Variants in GRID2 observed in about 807,000 individuals in gnomAD.
GRID2 encodes glutamate ionotropic receptor delta type subunit 2, also known as glutamate receptor ionotropic, delta-2.
GRID2 carries 33 observed loss-of-function variants against 114.8 expected under a neutral mutation model. That is an observed-to-expected ratio of 0.29 (90% CI 0.22 to 0.38). The LOEUF is 0.38. Ranked by LOEUF, GRID2 falls within the 10% of genes least tolerant of loss-of-function variation. The probability of loss-of-function intolerance (pLI) is 1.00; values close to 1 mark genes in which losing one functional copy is unlikely to be tolerated. For missense variants in GRID2, 1,184 were observed against 1,257.7 expected (o/e 0.94, Z 0.89); for synonymous variants, 505 against 449.9 (o/e 1.12, Z -1.55).
intron 2 of GRID2, among the ~76,000 whole-genome samples, chr4:92,677,856 A>G (rs1733454984): frequency 6.6e-6 from 1 of 152,022 alleles, no homozygotes; most frequent in Admixed American, 6.6e-5. Context: ...GTGAAAGGCT[A>G]TTTTCCCTAC....
intron 4 of GRID2, among the ~76,000 whole-genome samples, chr4:93,200,119 C>T (rs1027858456): frequency 2.6e-5 from 4 of 152,098 alleles, no homozygotes; most frequent in Non-Finnish European, 5.9e-5. Flanking sequence ...TCCACAAAGC[C>T]CTTGCTAAAA....
At chr4:92,725,287 G>A (rs1234976879) in intron 2 of GRID2, among the ~76,000 whole-genome samples, 2 of 152,084 alleles carry the variant, frequency 1.3e-5, no homozygotes, top group African/African-American at 4.8e-5. Flanking sequence ...CTTGGTGACA[G>A]AGCAACACTG....
At chr4:92,832,285 AAAAAAAT>A (rs1333366834) in intron 2 of GRID2, among the ~76,000 whole-genome samples, 1 of 151,796 alleles carries the variant, frequency 6.6e-6, no homozygotes, top group Admixed American at 6.6e-5. Flanking sequence ...ACTAAAAATT[AAAAAAAT>A]AAAAAATAAA....
intron 13 of GRID2, among the ~76,000 whole-genome samples, chr4:93,533,572 T>C (rs1731724396): frequency 7.3e-6 from 1 of 136,898 alleles, no homozygotes; most frequent in Non-Finnish European, 1.5e-5. Context: ...GTATTTTTAG[T>C]AGAGATGGGG....
At position 93,422,732 on chromosome 4, in the gene GRID2, T is replaced by C. The variant is rs1487055255; in HGVS notation, c.1348-39T>C. The C allele has an allele frequency of 4.6e-6, 6 of 1,291,022 alleles. No homozygotes were observed. In the East Asian group the frequency reaches 1.4e-4, roughly 30 times the overall value. The allele number at this position is 1,291,022 out of a possible 1,614,324, so 80.0% of individuals were successfully genotyped here. ...ATTAATCTTTGCTTTTAGGGAGCAC[T>C]ATAGATTGACATCAGAAATTTCTCT... On this transcript the variant is annotated intron_variant, in intron 9 of 15. Transcript: ENST00000282020.
At chr4:93,052,247 G>T (rs1362021990) in intron 2 of GRID2, among the ~76,000 whole-genome samples, 1 of 151,924 alleles carries the variant, frequency 6.6e-6, no homozygotes, top group African/African-American at 2.4e-5. Flanking sequence ...TCTCATCTAA[G>T]TACACTTCTA....
At chr4:92,376,428 G>A (rs930119355) in intron 1 of GRID2, among the ~76,000 whole-genome samples, 1 of 152,138 alleles carries the variant, frequency 6.6e-6, no homozygotes, top group African/African-American at 2.4e-5. Flanking sequence ...GCTTTGCAGG[G>A]TATAGCCTCC....
At chr4:92,985,464 C>G (rs1754459848) in intron 2 of GRID2, among the ~76,000 whole-genome samples, 2 of 152,070 alleles carry the variant, frequency 1.3e-5, no homozygotes, top group Non-Finnish European at 2.9e-5. Context: ...GTCTCGATCT[C>G]CTGACGTCGT....
At chr4:93,549,534 A>T (rs368586382) in intron 13 of GRID2, among the ~76,000 whole-genome samples, 16 of 152,334 alleles carry the variant, frequency 1.1e-4, no homozygotes, top group African/African-American at 3.8e-4. Flanking sequence ...AAAAGTAATA[A>T]GGGAAATGTT....
chr4:93,047,035 A>G (rs1401561820), intron 2 of GRID2, among the ~76,000 whole-genome samples: 2 of 152,154 alleles, frequency 1.3e-5, no homozygotes, highest in Non-Finnish European at 2.9e-5. Context: ...GATGTGATGA[A>G]AATGGCACAT....
intron 2 of GRID2, among the ~76,000 whole-genome samples, chr4:92,850,161 T>C (rs1743664118): frequency 6.6e-6 from 1 of 151,360 alleles, no homozygotes; most frequent in Non-Finnish European, 1.5e-5. Flanking sequence ...AATCATTGTT[T>C]TTCTAGTAAT....
At chr4:93,366,538 G>C (rs1272491923) in intron 8 of GRID2, among the ~76,000 whole-genome samples, 1 of 152,046 alleles carries the variant, frequency 6.6e-6, no homozygotes, top group African/African-American at 2.4e-5. Flanking sequence ...TTTCACCTGG[G>C]TCCTGTGGTC....
In GRID2 at chr4:92,504,255, G is replaced by A. The variant is rs978700776; in HGVS notation, c.89-85876G>A. Among the ~76,000 whole-genome samples the A allele has an allele frequency of 3.0e-4, 46 of 152,048 alleles. 1 individual carries two copies. The highest frequency in any genetic ancestry group is 1.0e-3 in the African/African-American group (42 of 41,426). On this transcript the variant is annotated intron_variant, in intron 1 of 15. Transcript: ENST00000282020. ...CAAAGTCATAGAGGTGTGATTCTAA[G>A]AGAAATCACATGAGATGAGATTCTA...
chr4:93,243,050 A>G (rs977286151), intron 8 of GRID2, among the ~76,000 whole-genome samples: 1 of 152,040 alleles, frequency 6.6e-6, no homozygotes, highest in African/African-American at 2.4e-5. Context: ...TAGAGGTATT[A>G]TGAAAGGCAC....
chr4:93,302,546 AC>A (rs746515296), intron 8 of GRID2: 21 of 455,682 alleles, frequency 4.6e-5, no homozygotes, highest in South Asian at 3.1e-4. Flanking sequence ...TAATACACAT[AC>A]ATATGTACGC....
intron 2 of GRID2, among the ~76,000 whole-genome samples, chr4:92,837,848 T>C (rs1423547410): frequency 4.6e-5 from 7 of 152,138 alleles, no homozygotes; most frequent in Non-Finnish European, 1.0e-4. Flanking sequence ...AAACAATGTA[T>C]GATTTATGTT....
chr4:92,493,972 A>C (rs1164801254), intron 1 of GRID2, among the ~76,000 whole-genome samples: 2 of 152,172 alleles, frequency 1.3e-5, no homozygotes, highest in Non-Finnish European at 2.9e-5. Context: ...AAAGAAATGC[A>C]GACAAAGACA....
chr4:93,665,618 A>G (rs1317537210), intron 14 of GRID2, among the ~76,000 whole-genome samples: 1 of 152,182 alleles, frequency 6.6e-6, no homozygotes, highest in Non-Finnish European at 1.5e-5. Flanking sequence ...GGTGCTGATG[A>G]TGTGCTTTAA....
At chr4:92,970,490 A>C (rs907303882) in intron 2 of GRID2, among the ~76,000 whole-genome samples, 6 of 152,026 alleles carry the variant, frequency 3.9e-5, no homozygotes, top group Non-Finnish European at 8.8e-5. Context: ...ATTTGTGATA[A>C]CTATAAAGAC....
Sources: allele counts gnomAD v4.1 joint callset (sites outside exome capture counted in the v4.1 genomes callset), GRCh38; gene constraint gnomAD v4.1.1; transcripts MANE v1.5; gene names NCBI Gene and HGNC (gene_info 2026-07-23, HGNC 2026-07-21).